The following GPR149 variants were observed in gnomAD, a reference collection of about 807,000 sequenced individuals.
GPR149 encodes the protein probable G protein-coupled receptor 149.
A neutral mutation model predicts 50.2 loss-of-function variants in GPR149; 50 were observed. The observed-to-expected ratio is 1.00, with a 90% confidence interval of 0.79 to 1.26. GPR149 has a LOEUF of 1.26. GPR149 is among the 50% of genes most tolerant of loss of function. GPR149 has a pLI of 0.00. For missense variants in GPR149, 983 were observed against 895.4 expected (o/e 1.10, Z -1.25); for synonymous variants, 405 against 358.2 (o/e 1.13, Z -1.48).
intron 3 of GPR149, chr3:154,354,111 G>T: frequency 4.1e-6 from 2 of 493,468 alleles, no homozygotes; most frequent in Non-Finnish European, 7.9e-6. Flanking sequence ...CTTCTTCAGT[G>T]TCTCCATTTA....
rs1378406779 is a variant in GPR149 at position 154,337,771 on chromosome 3, A to G, written c.2124T>C (p.Asp708=). The G allele has an allele frequency of 6.2e-7, 1 of 1,613,308 alleles. No homozygotes were observed. The highest frequency in any genetic ancestry group is 8.5e-7 in the Non-Finnish European group (1 of 1,179,782). ...QNSKRQHQER[D]GYQEEIQLLN... is the part of the protein sequence containing the mutation. ...ACAACTGGATTTCCTCCTGGTAGCC[A>G]TCCCTCTCTTGATGCTGCCTTTTAC... Residue 708 remains aspartate, a synonymous_variant, in exon 4 of 4, where the codon GAT becomes GAC. Coordinates refer to ENST00000389740, the MANE Select transcript of GPR149 (RefSeq NM_001038705.3).
chr3:154,347,994 C>T (rs1470555466), intron 3 of GPR149, among the ~76,000 whole-genome samples: 2 of 152,176 alleles, frequency 1.3e-5, no homozygotes, highest in Non-Finnish European at 2.9e-5. Context: ...TCTCTATAAT[C>T]CTTACTTCTG....
intron 3 of GPR149, among the ~76,000 whole-genome samples, chr3:154,409,376 C>T (rs956236233): frequency 2.0e-5 from 3 of 151,984 alleles, no homozygotes; most frequent in African/African-American, 7.3e-5. Context: ...CAAACCAAGA[C>T]AAAATTTCGG....
At chr3:154,415,918 T>C (rs1711973060) in intron 3 of GPR149, among the ~76,000 whole-genome samples, 1 of 151,840 alleles carries the variant, frequency 6.6e-6, no homozygotes, top group Non-Finnish European at 1.5e-5. Context: ...ATATTCCAGA[T>C]GATTATTTTT....
intron 3 of GPR149, among the ~76,000 whole-genome samples, chr3:154,371,765 G>A (rs190890473): frequency 1.3e-5 from 2 of 152,280 alleles, no homozygotes; most frequent in East Asian, 1.9e-4. Context: ...TAGAAAAAAG[G>A]AGCTTGAACA....
chr3:154,386,781 G>A (rs1052072989), intron 3 of GPR149, among the ~76,000 whole-genome samples: 3 of 152,150 alleles, frequency 2.0e-5, no homozygotes, highest in Non-Finnish European at 4.4e-5. Flanking sequence ...CTGATGTTAA[G>A]ATTTGGATAG....
intron 3 of GPR149, among the ~76,000 whole-genome samples, chr3:154,388,486 T>A (rs1166421141): frequency 6.6e-6 from 1 of 152,180 alleles, no homozygotes; most frequent in Admixed American, 6.5e-5. Flanking sequence ...TTAGCTACTA[T>A]TTCTGTATTT....
chr3:154,421,669 C>A (rs1450161187), intron 2 of GPR149, among the ~76,000 whole-genome samples, 182 bp from the exon 3 acceptor site: 1 of 151,640 alleles, frequency 6.6e-6, no homozygotes, highest in Non-Finnish European at 1.5e-5. Context: ...ATCTTTCCAC[C>A]CTGTGCCTAA....
intron 1 of GPR149, 35 bp downstream of exon 1, chr3:154,428,600 A>G: frequency 6.3e-7 from 1 of 1,590,010 alleles, no homozygotes; most frequent in East Asian, 2.2e-5. Flanking sequence ...TGTCTGGCAC[A>G]CACACTCGCG....
At chr3:154,359,365 A>G (rs1714325955) in intron 3 of GPR149, among the ~76,000 whole-genome samples, 1 of 152,178 alleles carries the variant, frequency 6.6e-6, no homozygotes, top group Admixed American at 6.5e-5. Flanking sequence ...TGGAAGGTGG[A>G]AAAAGCAATG....
chr3:154,389,066 C>T (rs868436062), intron 3 of GPR149, among the ~76,000 whole-genome samples: 14 of 152,076 alleles, frequency 9.2e-5, no homozygotes, highest in African/African-American at 3.1e-4. Flanking sequence ...GGGCATTCAT[C>T]CATTCATTCA....
chr3:154,388,227 T>G (rs1425476114), intron 3 of GPR149, among the ~76,000 whole-genome samples: 1 of 152,142 alleles, frequency 6.6e-6, no homozygotes. Flanking sequence ...CATTTACTGT[T>G]TTTTCATCTA....
intron 3 of GPR149, chr3:154,353,722 G>T (rs1426052747): frequency 5.6e-6 from 6 of 1,064,866 alleles, no homozygotes; most frequent in Admixed American, 2.0e-5. Context: ...TTTAAAAATT[G>T]TTTCTTGATT....
At chr3:154,352,262 T>C (rs1714098614) in intron 3 of GPR149, 3 of 844,966 alleles carry the variant, frequency 3.6e-6, no homozygotes, top group Admixed American at 2.2e-5. Flanking sequence ...GGCCACCAGA[T>C]GGACCACCTG....
chr3:154,361,565 TA>T (rs1364130062), intron 3 of GPR149, among the ~76,000 whole-genome samples: 2 of 152,236 alleles, frequency 1.3e-5, no homozygotes, highest in African/African-American at 4.8e-5. Context: ...ATGTATATTT[TA>T]ATTTTACAGG....
intron 3 of GPR149, among the ~76,000 whole-genome samples, chr3:154,402,453 A>C (rs1181748114): frequency 6.8e-6 from 1 of 146,122 alleles, no homozygotes; most frequent in Non-Finnish European, 1.5e-5. Context: ...TAAATATAGA[A>C]TAGAAAGCAG....
In GPR149 at chr3:154,429,265, G is replaced by C; in HGVS notation, c.351C>G (p.Leu117=). The change falls in exon 1 of 4, where the codon CTC becomes CTG. Residue 117 remains leucine (L), a synonymous_variant. Transcript: ENST00000389740. The part of the protein sequence containing the change: ...TSALMYLCQG[L]SSNLKATLLV... ...GGAGAGTCGCCTTCAAGTTGCTAGA[G>C]AGGCCCTGGCATAAATACATTAAGG... 2 of 1,614,184 alleles carry C rather than the reference G, an allele frequency of 1.2e-6. No individual in the cohort carries two copies. Among genetic ancestry groups the C allele is most frequent in the Non-Finnish European group, 1.7e-6 (2 of 1,180,034 alleles).
chr3:154,338,093 G>T lies in GPR149; in HGVS notation c.1802C>A (p.Pro601Gln), dbSNP rs975889767. 3.7e-6 allele frequency: 6 copies of T among 1,614,014 alleles called. No homozygotes were observed. The African/African-American group carries it at 4.0e-5, about 11-fold the overall frequency. Residue 601 changes from proline to glutamine, a missense_variant, in exon 4 of 4, where the codon CCA becomes CAA. By Grantham distance (76) the Pro-to-Gln change is moderately conservative (BLOSUM62 -1). Transcript: ENST00000389740. ...VYRSKSVGHE[P>Q]NSEDSSSTFV... Reference sequence around the variant, plus strand: ...CGTGGATGAAGAATCTTCTGAGTTTGGTTCATGGCCAACACTTTTGGATCG... The same window carrying T: ...CGTGGATGAAGAATCTTCTGAGTTTTGTTCATGGCCAACACTTTTGGATCG...
chr3:154,373,686 A>G (rs916251991), intron 3 of GPR149, among the ~76,000 whole-genome samples: 15 of 152,154 alleles, frequency 9.9e-5, no homozygotes, highest in African/African-American at 3.4e-4. Flanking sequence ...ACCTTCTTGT[A>G]CTTAAATGAC....
Sources: allele counts gnomAD v4.1 joint callset (sites outside exome capture counted in the v4.1 genomes callset), GRCh38; gene constraint gnomAD v4.1.1; transcripts MANE v1.5; gene names NCBI Gene and HGNC (gene_info 2026-07-23, HGNC 2026-07-21).